The following RCBTB2 variants were observed in gnomAD, a reference collection of about 807,000 sequenced individuals.
RCBTB2 encodes the protein RCC1 and BTB domain containing protein 2, also known as RCC1 and BTB domain-containing protein 2.
RCBTB2 carries 55 observed loss-of-function variants against 65.4 expected under a neutral mutation model. The ratio of observed to expected loss-of-function variants is 0.84; its 90% confidence interval spans 0.68 to 1.05. RCBTB2 has a LOEUF of 1.05. Ranked by LOEUF, RCBTB2 falls within the 50% of genes least tolerant of loss-of-function variation. RCBTB2 has a pLI of 0.00. For synonymous variants in RCBTB2, 220 were observed against 255.2 expected (o/e 0.86, Z 1.31); for missense variants, 599 against 680.1 (o/e 0.88, Z 1.33).
rs1593705727 is a variant in RCBTB2, at chr13:48,511,636, T to C, written c.783+134A>G. 5.4e-6 allele frequency: 4 copies of C among 737,516 alleles called. No individual in the cohort carries two copies. In the East Asian group the frequency reaches 1.1e-4, roughly 21 times the overall value. 45.7% of individuals were successfully genotyped at this position (737,516 alleles called of 1,614,324 possible). On this transcript the variant is annotated intron_variant, in intron 9 of 14. Transcript: ENST00000344532. The stretch of plus-strand genomic sequence containing the variant: ...AATTTAATTCAAGGAAAAAGAGACT[T>C]AACCTTTACTTTAATGAAGACATCC...
Position 48,502,829 on chromosome 13 carries a change from G to T in RCBTB2, c.1012C>A (p.Arg338=). Residue 338 remains arginine, a synonymous_variant, in exon 11 of 15, where the codon CGG becomes AGG. Transcript: ENST00000344532. The part of the protein sequence containing the change: ...GGHVYMWGQC[R]GQSVILPHLT... ...TGCGGGAGGATCACGGACTGACCCC[G>T]GCACTGGCCCCACATGTACACGTGC... The T allele has an allele frequency of 4.3e-6, 7 of 1,614,188 alleles. No individual in the cohort carries two copies. Among genetic ancestry groups the T allele is most frequent in the Non-Finnish European group, 5.9e-6 (7 of 1,180,022 alleles).
At position 48,515,286 on chromosome 13, in the gene RCBTB2, G is replaced by A. The variant is rs767536878; in HGVS notation, c.268C>T (p.Arg90Trp). The A allele has an allele frequency of 2.0e-5, 33 of 1,613,938 alleles. No individual in the cohort carries two copies. The highest frequency in any genetic ancestry group is 1.2e-4 in the South Asian group (11 of 91,084). ...TTGCCATTTAAAGAATCCAGTCTCC[G>A]AGGTTCAATGGTGCTCTGGACGTCA... ...LGDVQSTIEP[R>W]RLDSLNGKKI... The change falls in exon 6 of 15, where the codon CGG becomes TGG. Residue 90 changes from arginine (R) to tryptophan (W), a missense_variant. Transcript: ENST00000344532.
At chr13:48,502,346 A>T (rs1005474861) in intron 11 of RCBTB2, among the ~76,000 whole-genome samples, 5 of 152,074 alleles carry the variant, frequency 3.3e-5, no homozygotes, top group Non-Finnish European at 5.9e-5. Flanking sequence ...TCTTTAAATT[A>T]GCCAGGCATG....
intron 10 of RCBTB2, 78 bp downstream of exon 10, chr13:48,510,551 C>A: frequency 6.9e-7 from 1 of 1,440,964 alleles, no homozygotes; most frequent in South Asian, 1.3e-5. Context: ...CATTCCCCAC[C>A]ATTCTCTATA....
At chr13:48,523,621 G>A (rs1951541783) in intron 2 of RCBTB2, among the ~76,000 whole-genome samples, 1 of 152,002 alleles carries the variant, frequency 6.6e-6, no homozygotes, top group South Asian at 2.1e-4. Context: ...AAGTTTACTG[G>A]AATAAAAAAT....
chr13:48,503,723 A>AT (rs1174410039), intron 10 of RCBTB2, among the ~76,000 whole-genome samples: 2 of 152,010 alleles, frequency 1.3e-5, no homozygotes, highest in Non-Finnish European at 2.9e-5. Flanking sequence ...TAACTTTTGT[A>AT]TTTTTTGTAG....
upstream of RCBTB2, among the ~76,000 whole-genome samples, chr13:48,533,577 GT>G (rs1196708705): frequency 3.3e-5 from 5 of 152,296 alleles, no homozygotes; most frequent in African/African-American, 7.2e-5. Context: ...GTAGCCCCCT[GT>G]AGTACAAATG....
At chr13:48,503,344 A>C (rs903580145) in intron 10 of RCBTB2, among the ~76,000 whole-genome samples, 4 of 152,168 alleles carry the variant, frequency 2.6e-5, no homozygotes, top group Admixed American at 2.6e-4. Flanking sequence ...AGGGCCAATA[A>C]ATAAATATTT....
intron 3 of RCBTB2, 42 bp from the exon 4 acceptor site, chr13:48,522,004 C>A: frequency 6.5e-7 from 1 of 1,543,208 alleles, no homozygotes; most frequent in South Asian, 1.1e-5. Context: ...CCCTTATGTT[C>A]GATGGAACCA....
At chr13:48,510,877 C>T in intron 9 of RCBTB2, 106 bp from the exon 10 acceptor site, 2 of 1,175,950 alleles carry the variant, frequency 1.7e-6, no homozygotes, top group African/African-American at 1.5e-5. Context: ...AAGAGGCAGC[C>T]TACCCGTAGG....
At chr13:48,527,688 A>G (rs76717813) in intron 1 of RCBTB2, among the ~76,000 whole-genome samples, 2,335 of 152,192 alleles carry the variant, frequency 0.015, 56 homozygotes, top group African/African-American at 0.054. Context: ...GACATTTCCT[A>G]TTTCAGCTGT....
chr13:48,511,949 A>G, intron 8 of RCBTB2, 67 bp downstream of exon 8: 1 of 1,604,442 alleles, frequency 6.2e-7, no homozygotes, highest in East Asian at 2.2e-5. Flanking sequence ...TGTGGGACAT[A>G]CCATACTGGC....
At chr13:48,508,822 T>C (rs1950634546) in intron 10 of RCBTB2, among the ~76,000 whole-genome samples, 1 of 152,200 alleles carries the variant, frequency 6.6e-6, no homozygotes, top group African/African-American at 2.4e-5. Context: ...TCCATTCCCA[T>C]TACCTGCTTC....
chr13:48,492,623 C>G (rs1949744835), intron 14 of RCBTB2: 1 of 152,384 alleles, frequency 6.6e-6, no homozygotes, highest in Admixed American at 6.5e-5. Context: ...CGTCAGTTCT[C>G]AGTCCTCGTG....
chr13:48,533,361 A>G (rs1952291455), upstream of RCBTB2: 1 of 286,878 alleles, frequency 3.5e-6, no homozygotes, highest in African/African-American at 2.4e-5. Context: ...GGTCACCCCC[A>G]CCTTCTCCAG....
intron 9 of RCBTB2, 98 bp from the exon 10 acceptor site, chr13:48,510,869 G>T: frequency 7.9e-7 from 1 of 1,268,144 alleles, no homozygotes; most frequent in East Asian, 2.5e-5. Flanking sequence ...AAAAAAGGAA[G>T]AGGCAGCCTA....
chr13:48,490,152 A>G lies in RCBTB2; in HGVS notation c.1615T>C (p.Phe539Leu). The change falls in exon 15 of 15, where the codon TTT becomes CTT. Residue 539 changes from phenylalanine (F) to leucine (L), a missense_variant. Physicochemically the swap from Phe to Leu is conservative, Grantham distance 22. Transcript: ENST00000344532. ...CCAACTCTGCTTGCTTTGCTGATAA[A>G]GTTCTTCAGGAGATCATGGTCCATT... Reference protein sequence around the residue: ...AEMDHDLLKNFISKASRVGAF... With the variant: ...AEMDHDLLKNLISKASRVGAF... The G allele has an allele frequency of 6.2e-7, 1 of 1,614,136 alleles. No individual in the cohort carries two copies. Among genetic ancestry groups the G allele is most frequent in the South Asian group, 1.1e-5 (1 of 91,082 alleles).
intron 10 of RCBTB2, among the ~76,000 whole-genome samples, chr13:48,504,995 C>A (rs547230798): frequency 6.6e-6 from 1 of 151,942 alleles, no homozygotes; most frequent in East Asian, 1.9e-4. Context: ...TACGATGGCC[C>A]ACAGTGGAGA....
intron 1 of RCBTB2, among the ~76,000 whole-genome samples, chr13:48,529,956 T>G (rs1328982292): frequency 6.6e-6 from 1 of 152,170 alleles, no homozygotes; most frequent in Non-Finnish European, 1.5e-5. Flanking sequence ...AATGGTGTGA[T>G]CATGACTCAC....
Sources: allele counts gnomAD v4.1 joint callset (sites outside exome capture counted in the v4.1 genomes callset), GRCh38; gene constraint gnomAD v4.1.1; transcripts MANE v1.5; gene names NCBI Gene and HGNC (gene_info 2026-07-23, HGNC 2026-07-21).